The following DGKB variants were observed in gnomAD, a reference collection of about 807,000 sequenced individuals.
The protein encoded by DGKB is diacylglycerol kinase beta.
A neutral mutation model predicts 114.3 loss-of-function variants in DGKB; 67 were observed. The ratio of observed to expected loss-of-function variants is 0.59; its 90% CI spans 0.48 to 0.72. The LOEUF (loss-of-function observed/expected upper bound fraction) is 0.72, where lower values mean the gene tolerates loss of function less well. DGKB is among the 30% of genes least tolerant of loss of function. DGKB has a pLI of 0.00. For missense variants in DGKB, 907 were observed against 975.2 expected, an observed-to-expected ratio of 0.93 and a Z score of 0.93; for synonymous variants, 398 against 323.1, an observed-to-expected ratio of 1.23 and a Z score of -2.49.
intron 1 of DGKB, among the ~76,000 whole-genome samples, chr7:14,938,284 T>G (rs1785380260): frequency 6.6e-6 from 1 of 152,086 alleles, no homozygotes; most frequent in African/African-American, 2.4e-5. Context: ...TGAATATAAT[T>G]TTAAAGGTGG....
chr7:14,548,981 A>G (rs771580867), intron 20 of DGKB, among the ~76,000 whole-genome samples: 28 of 151,944 alleles, frequency 1.8e-4, no homozygotes, highest in Non-Finnish European at 3.2e-4. Context: ...GTTGAAATCA[A>G]TGAGGAGGAG....
At chr7:14,419,607 A>G (rs920664619) in intron 21 of DGKB, among the ~76,000 whole-genome samples, 1 of 150,680 alleles carries the variant, frequency 6.6e-6, no homozygotes, top group African/African-American at 2.4e-5. Context: ...AAATGATTGA[A>G]GATAAATGCA....
At chr7:14,640,787 T>C (rs962988232) in intron 13 of DGKB, among the ~76,000 whole-genome samples, 3 of 152,194 alleles carry the variant, frequency 2.0e-5, no homozygotes, top group African/African-American at 7.2e-5. Flanking sequence ...GAGAAAGTCA[T>C]GTACATAAAT....
At chr7:14,418,382 T>C (rs1448079953) in intron 21 of DGKB, among the ~76,000 whole-genome samples, 3 of 143,586 alleles carry the variant, frequency 2.1e-5, no homozygotes, top group Non-Finnish European at 4.5e-5. Flanking sequence ...TATATATATA[T>C]ATATATATAT....
intron 12 of DGKB, among the ~76,000 whole-genome samples, chr7:14,681,227 A>G (rs1431603755): frequency 6.6e-6 from 1 of 152,066 alleles, no homozygotes; most frequent in Non-Finnish European, 1.5e-5. Flanking sequence ...AATTTGAATC[A>G]TCGTTAGACA....
chr7:14,682,857 T>C lies in DGKB; in HGVS notation c.830-16A>G, dbSNP rs762384914. 10 of 1,553,848 alleles carry C rather than the reference T, an allele frequency of 6.4e-6. No individual in the cohort carries two copies. In the Admixed American group the frequency reaches 1.1e-4, roughly 18 times the overall value. On this transcript the variant is annotated splice_polypyrimidine_tract_variant and intron_variant, in intron 10 of 25. Coordinates refer to ENST00000402815, the MANE Select transcript of DGKB (RefSeq NM_001350709.2). ...TACTTGCAGACTGAAAGGAAACAGGTACACAAATTCAGAGCTAATCCTGGT... is the reference window on the plus strand; with the variant it reads ...TACTTGCAGACTGAAAGGAAACAGGCACACAAATTCAGAGCTAATCCTGGT...
chr7:14,587,987 G>A (rs1045618092), intron 17 of DGKB, among the ~76,000 whole-genome samples: 24 of 152,072 alleles, frequency 1.6e-4, no homozygotes, highest in Admixed American at 3.9e-4. Flanking sequence ...ATGCCTGTAC[G>A]TACTTCCTAG....
At chr7:14,863,691 A>G (rs1000695141) in intron 1 of DGKB, among the ~76,000 whole-genome samples, 5 of 152,266 alleles carry the variant, frequency 3.3e-5, no homozygotes, top group Admixed American at 2.6e-4. Context: ...CTACATGTAC[A>G]TTATAGAAAG....
chr7:14,190,018 T>C (rs957149445), intron 23 of DGKB, among the ~76,000 whole-genome samples: 1 of 152,106 alleles, frequency 6.6e-6, no homozygotes, highest in Non-Finnish European at 1.5e-5. Flanking sequence ...CAAAGAAACA[T>C]TGGACTTACA....
At chr7:14,831,337 G>A (rs1846383784) in intron 2 of DGKB, among the ~76,000 whole-genome samples, 1 of 151,948 alleles carries the variant, frequency 6.6e-6, no homozygotes. Flanking sequence ...AATTCTCAAT[G>A]TTTCCTTCAT....
chr7:14,816,701 A>G (rs1844205436), intron 2 of DGKB: 1 of 152,188 alleles, frequency 6.6e-6, no homozygotes, highest in African/African-American at 2.4e-5. Flanking sequence ...ACGAGAGCAA[A>G]GGATTTAACA....
At chr7:14,166,980 C>A (rs536593877) in intron 25 of DGKB, among the ~76,000 whole-genome samples, 56 of 152,212 alleles carry the variant, frequency 3.7e-4, no homozygotes, top group Admixed American at 3.7e-3. Context: ...GAGGCCAAGG[C>A]AGGCGGATTG....
At chr7:14,339,042 G>T (rs1255037219) in intron 22 of DGKB, among the ~76,000 whole-genome samples, 2 of 151,898 alleles carry the variant, frequency 1.3e-5, no homozygotes, top group Non-Finnish European at 2.9e-5. Context: ...GTTACAAAAA[G>T]GTTAATTCTG....
intron 2 of DGKB, among the ~76,000 whole-genome samples, chr7:14,788,052 C>T (rs940148635): frequency 1.3e-5 from 2 of 152,232 alleles, no homozygotes; most frequent in African/African-American, 4.8e-5. Context: ...GGGCCCCTTG[C>T]AGCATCCCAT....
At chr7:14,339,697 T>C (rs1811293881) in intron 22 of DGKB, among the ~76,000 whole-genome samples, 1 of 152,026 alleles carries the variant, frequency 6.6e-6, no homozygotes, top group Non-Finnish European at 1.5e-5. Flanking sequence ...GTTATTATTA[T>C]ACATTCTAGA....
At position 14,231,121 on chromosome 7, in the gene DGKB, TTCTTTC is replaced by T. The variant is rs760033563; in HGVS notation, c.2123-52976_2123-52971del. Among the ~76,000 whole-genome samples the T allele has an allele frequency of 9.9e-3, 1,276 of 128,536 alleles. 13 individuals are homozygous for T. Among genetic ancestry groups the T allele is most frequent in the Admixed American group, 0.013 (165 of 12,372 alleles). The allele number at this position is 128,536 out of a possible 152,430, so 84.3% of individuals were successfully genotyped here. ...TTTCTTTCTTTCTTTCTTTCTTTCT[TTCTTTC>T]TTTCTTTCTTTCTTTCTTTTTCTTT... On this transcript the variant is annotated intron_variant, in intron 23 of 25. Transcript: ENST00000402815.
Position 14,145,752 on chromosome 7 carries a change from T to A in DGKB, c.*3379A>T, listed in dbSNP as rs946055407. The A allele has an allele frequency of 1.3e-5, 2 of 152,222 alleles. No homozygotes were observed. The highest frequency in any genetic ancestry group is 2.9e-5 in the Non-Finnish European group (2 of 68,042). 9.4% of individuals were successfully genotyped at this position (152,222 alleles called of 1,614,324 possible). A position where few individuals can be genotyped will look rare whatever the true frequency, so the allele number is the denominator to read the frequency against. ...GATTACAGGCGTAAGCCATTGCGCCTGGCCACATTTTCCTTTTTATAACCA... is the reference window on the plus strand; with the variant it reads ...GATTACAGGCGTAAGCCATTGCGCCAGGCCACATTTTCCTTTTTATAACCA... On this transcript the variant is annotated 3_prime_UTR_variant, in exon 26 of 26. Coordinates refer to ENST00000402815, the MANE Select transcript of DGKB (RefSeq NM_001350709.2).
At chr7:14,828,957 C>A (rs141544621) in intron 2 of DGKB, among the ~76,000 whole-genome samples, 11 of 151,992 alleles carry the variant, frequency 7.2e-5, no homozygotes, top group Non-Finnish European at 1.0e-4. Flanking sequence ...GAACTTGCAA[C>A]CAGACTAATG....
intron 7 of DGKB, among the ~76,000 whole-genome samples, chr7:14,700,550 A>G (rs1455160790): frequency 6.6e-6 from 1 of 152,118 alleles, no homozygotes; most frequent in Non-Finnish European, 1.5e-5. Flanking sequence ...TACAGATAAT[A>G]AATCCCACAA....
Sources: gnomAD v4.1 joint callset for allele counts (sites outside exome capture counted in the v4.1 genomes callset) on GRCh38, gnomAD v4.1.1 for gene constraint, MANE v1.5 for transcripts, NCBI Gene and HGNC (gene_info 2026-07-23, HGNC 2026-07-21) for gene names.